The following CEP97 variants were observed in gnomAD, a reference collection of about 807,000 sequenced individuals.
CEP97 encodes the protein centrosomal protein of 97 kDa.
Under a neutral mutation model 73.1 loss-of-function variants are expected in CEP97, and 43 were observed. The ratio of observed to expected loss-of-function variants is 0.59; its 90% CI spans 0.46 to 0.76. The LOEUF is 0.76. Among genes scored for constraint, CEP97 ranks in the 30% least tolerant of loss-of-function variants. CEP97 has a pLI of 0.00. For missense variants in CEP97, 939 were observed against 1,014.0 expected (o/e 0.93, Z 1.00); for synonymous variants, 337 against 370.0 (o/e 0.91, Z 1.02).
Position 101,758,034 on chromosome 3 carries a change from T to G in CEP97, c.1428T>G (p.Asn476Lys), listed in dbSNP as rs376618954. 6.2e-7 allele frequency: 1 copy of G among 1,614,206 alleles called. No homozygotes were observed. The highest frequency in any genetic ancestry group is 8.5e-7 in the Non-Finnish European group (1 of 1,180,038). The change falls in exon 9 of 11, where the codon AAT becomes AAG. Residue 476 changes from asparagine (N) to lysine (K), a missense_variant. Physicochemically the swap from Asn to Lys is moderately conservative, Grantham distance 94 (BLOSUM62 0). Coordinates refer to ENST00000341893, the MANE Select transcript of CEP97 (RefSeq NM_024548.4). ...MMRSEINTEV[N>K]EKAGLLPCPE... ...GAAGTGAAATCAATACAGAGGTAAA[T>G]GAGAAAGCTGGACTATTACCTTGTC... is the stretch of plus-strand genomic sequence containing the variant.
intron 7 of CEP97, 109 bp downstream of exon 7, chr3:101,755,703 G>A: frequency 9.5e-7 from 1 of 1,054,416 alleles, no homozygotes; most frequent in Non-Finnish European, 1.4e-6. Context: ...CACATTTCTG[G>A]ACACTCAGTC....
intron 6 of CEP97, among the ~76,000 whole-genome samples, chr3:101,752,992 T>G (rs1453566550): frequency 2.0e-5 from 3 of 152,204 alleles, no homozygotes; most frequent in Non-Finnish European, 4.4e-5. Context: ...GTTTCCAGTT[T>G]TTCTGCTCTG....
intron 6 of CEP97, among the ~76,000 whole-genome samples, chr3:101,748,841 C>T (rs1047181592): frequency 5.3e-5 from 8 of 152,006 alleles, no homozygotes; most frequent in South Asian, 4.2e-4. Context: ...GGGGTTTCAC[C>T]GTGTTAGCCA....
chr3:101,762,630 T>G (rs2107192892), intron 10 of CEP97, 70 bp downstream of exon 10: 2 of 1,231,826 alleles, frequency 1.6e-6, no homozygotes, highest in East Asian at 4.8e-5. Flanking sequence ...GAGATAATCA[T>G]AGAGTACTCA....
intron 6 of CEP97, among the ~76,000 whole-genome samples, chr3:101,739,550 A>G (rs1938379724): frequency 1.3e-5 from 2 of 152,190 alleles, no homozygotes; most frequent in African/African-American, 2.4e-5. Context: ...CCATCACATA[A>G]ACAGAACCAA....
chr3:101,760,102 C>T (rs978599433), intron 9 of CEP97, among the ~76,000 whole-genome samples: 8 of 145,962 alleles, frequency 5.5e-5, no homozygotes, highest in East Asian at 2.1e-4. Flanking sequence ...AATGTAGTGT[C>T]GAAGTAGAGG....
At position 101,742,047 on chromosome 3, in the gene CEP97, AAAAAAAAC is replaced by A. The variant is rs1244626533; in HGVS notation, c.728+9417_728+9424del. Among the ~76,000 whole-genome samples, 114 of 138,872 alleles carry A rather than the reference AAAAAAAAC, an allele frequency of 8.2e-4. 2 individuals carry two copies. The highest frequency in any genetic ancestry group is 2.3e-3 in the African/African-American group (88 of 38,884). 91.1% of individuals were successfully genotyped at this position (138,872 alleles called of 152,430 possible). A position where few individuals can be genotyped will look rare whatever the true frequency, so the allele number is the denominator to read the frequency against. ...ACAGAGTGAGACTCCGTCTCAAAAAAAAAAAAACAAAAAAACAAAAAAACAAAAAAAAC... is the reference window on the plus strand; with the variant it reads ...ACAGAGTGAGACTCCGTCTCAAAAAAAAAAAAACAAAAAAACAAAAAAAAC... On this transcript the variant is annotated intron_variant, in intron 6 of 10. Transcript: ENST00000341893.
intron 6 of CEP97, 103 bp from the exon 7 acceptor site, chr3:101,755,327 A>G (rs1938973418): frequency 2.1e-6 from 2 of 946,120 alleles, no homozygotes. Flanking sequence ...AAAACATACA[A>G]TGGTGCTATA....
intron 6 of CEP97, among the ~76,000 whole-genome samples, chr3:101,754,372 C>T (rs904346031): frequency 2.6e-5 from 4 of 152,132 alleles, no homozygotes; most frequent in Non-Finnish European, 5.9e-5. Flanking sequence ...GCCCTAATAT[C>T]AGATATTCAG....
Position 101,727,468 on chromosome 3 carries a change from G to A in CEP97, c.272G>A (p.Ser91Asn). 6.2e-7 allele frequency: 1 copy of A among 1,613,902 alleles called. No homozygotes were observed. The highest frequency in any genetic ancestry group is 8.5e-7 in the Non-Finnish European group (1 of 1,179,884). Residue 91 changes from serine to asparagine, a missense_variant, in exon 3 of 11, where the codon AGC (serine) becomes AAC (asparagine). Physicochemically the swap from Ser to Asn is conservative, Grantham distance 46 (BLOSUM62 1). Coordinates refer to ENST00000341893, the MANE Select transcript of CEP97 (RefSeq NM_024548.4). ...CGTGTATTAAATTTGCCTCATAATA[G>A]CATTGGCTGTGTGGAAGGGCTAAAG... ...LLRVLNLPHNSIGCVEGLKEL... is the reference protein window; with the variant it reads ...LLRVLNLPHNNIGCVEGLKEL...
chr3:101,758,354 ATGTGCG>A lies in CEP97; in HGVS notation c.1750_1755del (p.Val584_Arg585del). On this transcript the variant is annotated inframe_deletion, in exon 9 of 11. Transcript: ENST00000341893. ...AGGAACTACAACCCTCAAGCCAAAG[ATGTGCG>A]TTACGAAATCCGGCTACGCAGAATG... 1 of 1,614,198 alleles carries A rather than the reference ATGTGCG, an allele frequency of 6.2e-7. No homozygotes were observed. Among genetic ancestry groups the A allele is most frequent in the Non-Finnish European group, 8.5e-7 (1 of 1,180,038 alleles).
intron 2 of CEP97, 93 bp downstream of exon 2, chr3:101,726,829 C>A: frequency 2.2e-6 from 2 of 909,288 alleles, no homozygotes; most frequent in Non-Finnish European, 3.2e-6. Context: ...CTGTGCAGCC[C>A]TAGCAAGCAG....
rs1241587747 is a variant in CEP97 at position 101,769,158 on chromosome 3, A to G, written c.*3607A>G. ...AAATACAAGCTTGAGATATTATACTATCTCCCTTGGTATTTTTTGTGTGCA... is the reference window on the plus strand; with the variant it reads ...AAATACAAGCTTGAGATATTATACTGTCTCCCTTGGTATTTTTTGTGTGCA... On this transcript the variant is annotated 3_prime_UTR_variant, in exon 11 of 11. Transcript: ENST00000341893. 2 of 152,120 alleles carry G rather than the reference A, an allele frequency of 1.3e-5. No homozygotes were observed. Among genetic ancestry groups the G allele is most frequent in the Admixed American group, 1.3e-4 (2 of 15,268 alleles). 9.4% of individuals were successfully genotyped at this position (152,120 alleles called of 1,614,324 possible). A position where few individuals can be genotyped will look rare whatever the true frequency, so the allele number is the denominator to read the frequency against.
At chr3:101,757,261 G>C (rs770915426) in intron 8 of CEP97, 65 bp downstream of exon 8, 23 of 1,520,226 alleles carry the variant, frequency 1.5e-5, no homozygotes, top group Non-Finnish European at 1.8e-5. Context: ...GTATCATAAA[G>C]CAGAAAAAGG....
intron 6 of CEP97, among the ~76,000 whole-genome samples, chr3:101,749,157 A>G (rs1243550153): frequency 5.9e-5 from 5 of 84,404 alleles, no homozygotes; most frequent in Non-Finnish European, 1.1e-4. Flanking sequence ...CCCCCACCCC[A>G]CAACAGTCCC....
chr3:101,726,506 T>C, intron 1 of CEP97, 88 bp from the exon 2 acceptor site: 2 of 938,862 alleles, frequency 2.1e-6, no homozygotes, highest in Non-Finnish European at 3.1e-6. Context: ...TGAAATGGTA[T>C]AGAGATTTTA....
intron 6 of CEP97, among the ~76,000 whole-genome samples, chr3:101,747,531 T>A (rs1367928350): frequency 2.6e-5 from 4 of 151,118 alleles, no homozygotes; most frequent in Non-Finnish European, 5.9e-5. Flanking sequence ...AGTTTTGGGA[T>A]TACAGGCGTG....
At chr3:101,727,304 TAAAC>T in intron 2 of CEP97, 75 bp from the exon 3 acceptor site, 1 of 1,238,962 alleles carries the variant, frequency 8.1e-7, no homozygotes, top group Non-Finnish European at 1.1e-6. Flanking sequence ...GCTGTCTAAA[TAAAC>T]CTTTTAAATC....
intron 6 of CEP97, among the ~76,000 whole-genome samples, chr3:101,748,941 A>T (rs112002250): frequency 0.01 from 1,548 of 152,206 alleles, 23 homozygotes; most frequent in African/African-American, 0.036. Flanking sequence ...CGCCCGGCCC[A>T]TGGAAGGAAT....
Sources: allele counts gnomAD v4.1 joint callset (sites outside exome capture counted in the v4.1 genomes callset), GRCh38; gene constraint gnomAD v4.1.1; transcripts MANE v1.5; gene names NCBI Gene and HGNC (gene_info 2026-07-23, HGNC 2026-07-21).